Variants in TRIM31 observed in about 807,000 individuals in gnomAD.
The protein encoded by TRIM31 is tripartite motif containing 31.
TRIM31 carries 31 observed loss-of-function variants against 40.6 expected under a neutral mutation model. The observed-to-expected ratio is 0.76, with a 90% CI of 0.57 to 1.03. The LOEUF is 1.03. TRIM31 is among the 50% of genes least tolerant of loss of function. The pLI, the probability that TRIM31 is intolerant of heterozygous loss-of-function variation, is 0.00. For synonymous variants in TRIM31, 164 were observed against 193.9 expected (o/e 0.85, Z 1.28); for missense variants, 455 against 497.5 (o/e 0.91, Z 0.81).
At position 30,105,595 on chromosome 6, in the gene TRIM31, A is replaced by T. The variant is rs147604161; in HGVS notation, c.884-353T>A. Reference sequence around the variant, plus strand: ...TATTTTATTTAACTCAATATTCTCAAAATGTTATTTCAACATGTATTATAA... The same window carrying T: ...TATTTTATTTAACTCAATATTCTCATAATGTTATTTCAACATGTATTATAA... On this transcript the variant is annotated intron_variant, in intron 6 of 8. Transcript: ENST00000376734. The T allele has an allele frequency of 8.6e-5, 14 of 163,442 alleles. 1 individual carries two copies. The East Asian group carries it at 2.3e-3, about 27-fold the overall frequency. The allele number at this position is 163,442 out of a possible 1,614,324, so 10.1% of individuals were successfully genotyped here.
chr6:30,106,338 G>A (rs1768689967), intron 6 of TRIM31, among the ~76,000 whole-genome samples: 1 of 152,174 alleles, frequency 6.6e-6, no homozygotes, highest in Non-Finnish European at 1.5e-5. Context: ...CAAACCTAGA[G>A]CATAGGAAAC....
At chr6:30,103,865 A>T in intron 8 of TRIM31, 76 bp from the exon 9 acceptor site, 7 of 1,595,644 alleles carry the variant, frequency 4.4e-6, no homozygotes, top group Non-Finnish European at 6.0e-6. Flanking sequence ...CAGACAGCAC[A>T]GCTGAGCTCT....
chr6:30,108,966 G>A (rs1438328152), intron 5 of TRIM31, 60 bp downstream of exon 5: 26 of 1,559,098 alleles, frequency 1.7e-5, no homozygotes, highest in East Asian at 1.6e-4. Flanking sequence ...TTGGATATAC[G>A]CTGAGAATTG....
In TRIM31 at chr6:30,113,066, T is replaced by G. The variant is rs904549592; in HGVS notation, c.-86A>C. 12 of 468,322 alleles carry G rather than the reference T, an allele frequency of 2.6e-5. No individual in the cohort carries two copies. Among genetic ancestry groups the G allele is most frequent in the African/African-American group, 2.4e-4 (12 of 49,950 alleles). 29.0% of individuals were successfully genotyped at this position (468,322 alleles called of 1,614,324 possible). A position where few individuals can be genotyped will look rare whatever the true frequency, so the allele number is the denominator to read the frequency against. ...GGAAAACAGATGGGCAGTCCTACCT[T>G]GCTACCTCTTGAGAACAAATGGATA... On this transcript the variant is annotated splice_region_variant and 5_prime_UTR_variant, in exon 1 of 9. Transcript: ENST00000376734.
chr6:30,109,742 G>A (rs1021168346), intron 4 of TRIM31, among the ~76,000 whole-genome samples: 5 of 152,014 alleles, frequency 3.3e-5, no homozygotes, highest in Admixed American at 6.6e-5. Flanking sequence ...TTAGCTGGGC[G>A]TGGTGGTGGG....
chr6:30,105,925 G>A (rs1362085077), intron 6 of TRIM31, among the ~76,000 whole-genome samples: 4 of 152,206 alleles, frequency 2.6e-5, no homozygotes, highest in South Asian at 2.1e-4. Flanking sequence ...AGCCTGGATG[G>A]CAGTCCTGCC....
At position 30,110,457 on chromosome 6, in the gene TRIM31, C is replaced by G; in HGVS notation, c.735G>C (p.Gln245His). 3 of 1,614,122 alleles carry G rather than the reference C, an allele frequency of 1.9e-6. No individual in the cohort carries two copies. Among genetic ancestry groups the G allele is most frequent in the African/African-American group, 1.3e-5 (1 of 75,054 alleles). Residue 245 changes from glutamine to histidine, a missense_variant, in exon 4 of 9, where the codon CAG becomes CAC. Coordinates refer to ENST00000376734, the MANE Select transcript of TRIM31 (RefSeq NM_007028.5). ...CCCCCAAGGGACTCACCTCCAGCAG[C>G]TGCCTGGGTGGCATGTTCTGCTTGG... ...LKTKQNMPPR[Q>H]LLEDIKVVLC...
intron 2 of TRIM31, 94 bp downstream of exon 2, chr6:30,112,295 G>T: frequency 1.4e-6 from 2 of 1,450,872 alleles, no homozygotes; most frequent in East Asian, 2.3e-5. Context: ...GGGGGCAATG[G>T]GGTGCAAACC....
chr6:30,110,731 A>G, intron 3 of TRIM31, 53 bp from the exon 4 acceptor site: 1 of 1,526,278 alleles, frequency 6.6e-7, no homozygotes, highest in South Asian at 1.1e-5. Context: ...AGGTCCTTCT[A>G]GCCCACTTTA....
chr6:30,104,202 G>T (rs1272760225), intron 7 of TRIM31, 35 bp from the exon 8 acceptor site: 15 of 1,605,600 alleles, frequency 9.3e-6, no homozygotes, highest in Non-Finnish European at 9.4e-6. Context: ...ATTTGGTCTT[G>T]ATAACCAGAA....
At chr6:30,111,043 T>C (rs1381502054) in intron 3 of TRIM31, among the ~76,000 whole-genome samples, 1 of 148,618 alleles carries the variant, frequency 6.7e-6, no homozygotes, top group Non-Finnish European at 1.5e-5. Context: ...TTTTTTTTTT[T>C]TTTTTTGAGA....
chr6:30,111,588 C>T (rs1257151055), intron 3 of TRIM31, 60 bp downstream of exon 3: 31 of 1,542,688 alleles, frequency 2.0e-5, no homozygotes, highest in Non-Finnish European at 2.7e-5. Context: ...ATAGGGGATT[C>T]CAGGAGCTTT....
At position 30,105,353 on chromosome 6, in the gene TRIM31, G is replaced by A. The variant is rs368749167; in HGVS notation, c.884-111C>T. The A allele has an allele frequency of 3.8e-4, 296 of 782,076 alleles. 21 individuals carry two copies. Among genetic ancestry groups the A allele is most frequent in the East Asian group, 1.6e-3 (62 of 39,718 alleles). 48.4% of individuals were successfully genotyped at this position (782,076 alleles called of 1,614,324 possible). On this transcript the variant is annotated intron_variant, in intron 6 of 8. Transcript: ENST00000376734. ...GAAATGCCTGGGAGAAGTAGAAGCT[G>A]CATTTGACTCTCATATTCTTATTGG...
rs1467168594 is a variant in TRIM31, at chr6:30,112,758, G to A, written c.48C>T (p.Cys16=). The change falls in exon 2 of 9, where the codon TGC becomes TGT. Residue 16 remains cysteine (C), a synonymous_variant. Transcript: ENST00000376734. ...TCTGCAGAATGTCCAGGCAGATGGG[G>A]CAGATCACTTCCTCTTGCAGTTTGT... ...FVNKLQEEVI[C]PICLDILQKP... is the part of the protein sequence containing the mutation. 4 of 1,612,830 alleles carry A rather than the reference G, an allele frequency of 2.5e-6. No homozygotes were observed. The highest frequency in any genetic ancestry group is 2.2e-5 in the South Asian group (2 of 91,030).
chr6:30,112,256 T>C, intron 2 of TRIM31, 133 bp downstream of exon 2: 1 of 986,742 alleles, frequency 1.0e-6, no homozygotes, highest in Non-Finnish European at 1.5e-6. Flanking sequence ...TGTGCCTGAC[T>C]GCGAGCTGCC....
chr6:30,106,660 G>A (rs1210838108), intron 6 of TRIM31, among the ~76,000 whole-genome samples: 1 of 152,122 alleles, frequency 6.6e-6, no homozygotes, highest in African/African-American at 2.4e-5. Flanking sequence ...GTGAGTTTGT[G>A]TATGTGAAAG....
chr6:30,103,455 C>A lies in TRIM31; in HGVS notation c.*81G>T. 6.3e-7 allele frequency: 1 copy of A among 1,575,132 alleles called. No individual in the cohort carries two copies. The highest frequency in any genetic ancestry group is 1.2e-5 in the South Asian group (1 of 86,296). On this transcript the variant is annotated 3_prime_UTR_variant, in exon 9 of 9. Transcript: ENST00000376734. Reference sequence around the variant, plus strand: ...ATTCCACTAAGTCAAGAACCGTGGTCGGTCTCAGCCACTCACTCAGCGCCA... The same window carrying A: ...ATTCCACTAAGTCAAGAACCGTGGTAGGTCTCAGCCACTCACTCAGCGCCA...
At chr6:30,110,027 T>TA (rs9280894) in intron 4 of TRIM31, among the ~76,000 whole-genome samples, 44,463 of 118,048 alleles carry the variant, frequency 0.38, 8,702 homozygotes, top group East Asian at 0.51. Flanking sequence ...AGACTCAGTG[T>TA]AAAAAAAAAA....
chr6:30,103,622 C>G lies in TRIM31; in HGVS notation c.1192G>C (p.Val398Leu), dbSNP rs1768402389. 6.8e-6 allele frequency: 11 copies of G among 1,612,944 alleles called. No homozygotes were observed. Among genetic ancestry groups the G allele is most frequent in the Non-Finnish European group, 7.6e-6 (9 of 1,180,050 alleles). The change falls in exon 9 of 9, where the codon GTT (valine) becomes CTT (leucine). Residue 398 changes from valine to leucine, a missense_variant. Val to Leu is a conservative substitution (Grantham distance 32, BLOSUM62 1). Coordinates refer to ENST00000376734, the MANE Select transcript of TRIM31 (RefSeq NM_007028.5). ...ASSQDTKTFD[V>L]ALSEELHAAL... ...GCATGGAGCTCCTCGGACAGCGCAA[C>G]GTCAAATGTCTTCGTATCCTGAGAG...
Sources: gnomAD v4.1 joint callset for allele counts (sites outside exome capture counted in the v4.1 genomes callset) on GRCh38, gnomAD v4.1.1 for gene constraint, MANE v1.5 for transcripts, NCBI Gene and HGNC (gene_info 2026-07-23, HGNC 2026-07-21) for gene names.